The following CERT1 variants were observed in gnomAD, a reference collection of about 807,000 sequenced individuals.
The protein encoded by CERT1 is ceramide transfer protein.
Under a neutral mutation model 87.9 loss-of-function variants are expected in CERT1, and 31 were observed. The ratio of observed to expected loss-of-function variants is 0.35; its 90% confidence interval spans 0.27 to 0.48. The LOEUF (loss-of-function observed/expected upper bound fraction) is 0.48, where lower values mean the gene tolerates loss of function less well. CERT1 is among the 20% of genes least tolerant of loss of function. The probability of loss-of-function intolerance (pLI) is 0.99; values close to 1 mark genes in which losing one functional copy is unlikely to be tolerated. For missense variants in CERT1, 487 were observed against 758.0 expected (o/e 0.64, Z 4.20); for synonymous variants, 289 against 250.9 (o/e 1.15, Z -1.44).
At chr5:75,464,134 T>A (rs1167413438) in intron 2 of CERT1, among the ~76,000 whole-genome samples, 2 of 152,086 alleles carry the variant, frequency 1.3e-5, no homozygotes, top group Non-Finnish European at 2.9e-5. Context: ...TTTCACAGGC[T>A]TGAGAAAACT....
intron 6 of CERT1, 46 bp downstream of exon 6, chr5:75,419,295 C>G: frequency 7.9e-7 from 1 of 1,261,148 alleles, no homozygotes; most frequent in Non-Finnish European, 1.1e-6. Flanking sequence ...TACATAACTT[C>G]TGAAAGTATA....
chr5:75,511,644 T>C, upstream of CERT1: 1 of 1,491,122 alleles, frequency 6.7e-7, no homozygotes, highest in Admixed American at 2.1e-5. Flanking sequence ...TCCCCTCCCC[T>C]GTCCTTTCCC....
intron 2 of CERT1, among the ~76,000 whole-genome samples, chr5:75,469,638 T>C (rs1375030294): frequency 6.6e-6 from 1 of 152,092 alleles, no homozygotes; most frequent in East Asian, 1.9e-4. Flanking sequence ...GAATCAAATG[T>C]ACTATTAGAG....
intron 3 of CERT1, among the ~76,000 whole-genome samples, chr5:75,451,928 T>G (rs1306291287): frequency 6.6e-6 from 1 of 152,188 alleles, no homozygotes; most frequent in African/African-American, 2.4e-5. Flanking sequence ...GATCTCTAAA[T>G]GGGTCTTGAG....
chr5:75,376,568 G>C (rs1761324550), downstream of CERT1: 1 of 152,182 alleles, frequency 6.6e-6, no homozygotes, highest in African/African-American at 2.4e-5. Context: ...CACAGACTCA[G>C]AATCGATAAG....
intron 3 of CERT1, 114 bp downstream of exon 3, chr5:75,458,951 C>G: frequency 3.1e-6 from 2 of 650,852 alleles, no homozygotes. Context: ...CTTTATCATC[C>G]AAATAATGTT....
At chr5:75,508,456 T>C (rs1767761945) in intron 1 of CERT1, among the ~76,000 whole-genome samples, 1 of 152,196 alleles carries the variant, frequency 6.6e-6, no homozygotes, top group South Asian at 2.1e-4. Flanking sequence ...ATATTAGTTC[T>C]TATAAGAGAC....
Position 75,505,982 on chromosome 5 carries a change from T to C in CERT1, c.231A>G (p.Thr77=). The C allele has an allele frequency of 6.2e-7, 1 of 1,612,622 alleles. No homozygotes were observed. The highest frequency in any genetic ancestry group is 8.5e-7 in the Non-Finnish European group (1 of 1,178,990). ...GSICLSKAVI[T]PHDFDECRFD... is the part of the protein sequence containing the mutation. ...TGAATGAAGAAGAAAAGGAACTTAC[T>C]GTGATGACAGCCTTGCTAAGACAGA... Residue 77 remains threonine (T), a splice_region_variant and synonymous_variant, in exon 2 of 17, where the codon ACA becomes ACG. Transcript: ENST00000643780.
chr5:75,466,561 A>C (rs1765463881), intron 2 of CERT1, among the ~76,000 whole-genome samples: 1 of 152,102 alleles, frequency 6.6e-6, no homozygotes, highest in African/African-American at 2.4e-5. Context: ...ATAAAGAGCA[A>C]CCCTCTCCAG....
At chr5:75,374,630 G>A (rs1350107721), downstream of CERT1, 3 of 659,006 alleles carry the variant, frequency 4.6e-6, no homozygotes, top group Non-Finnish European at 2.8e-6. Flanking sequence ...TTTCCGAAGC[G>A]AGTGTCTTTG....
At chr5:75,490,914 G>A (rs2112426729) in intron 2 of CERT1, among the ~76,000 whole-genome samples, 1 of 151,816 alleles carries the variant, frequency 6.6e-6, no homozygotes, top group East Asian at 1.9e-4. Flanking sequence ...TTTTTCCCCT[G>A]GTTTTCACCC....
intron 2 of CERT1, among the ~76,000 whole-genome samples, chr5:75,485,552 C>T (rs1328386009): frequency 3.3e-5 from 5 of 151,352 alleles, no homozygotes; most frequent in African/African-American, 1.2e-4. Context: ...CAAAAAAATA[C>T]AAAAGATCAA....
intron 2 of CERT1, among the ~76,000 whole-genome samples, chr5:75,485,039 A>C (rs570406803): frequency 1.3e-5 from 2 of 152,308 alleles, no homozygotes; most frequent in African/African-American, 4.8e-5. Context: ...CAATGCAATA[A>C]TACTACAATT....
At chr5:75,438,851 C>T (rs969555940) in intron 3 of CERT1, among the ~76,000 whole-genome samples, 2 of 151,890 alleles carry the variant, frequency 1.3e-5, no homozygotes, top group Non-Finnish European at 2.9e-5. Flanking sequence ...ACACCTCCTA[C>T]CCAGATCAAG....
At chr5:75,381,834 T>C in intron 15 of CERT1, 115 bp downstream of exon 15, 2 of 975,620 alleles carry the variant, frequency 2.0e-6, no homozygotes, top group Non-Finnish European at 3.0e-6. Flanking sequence ...ACATAAAATC[T>C]AAGAACCATT....
chr5:75,399,398 C>T lies in CERT1; in HGVS notation c.1111-11G>A. 6.2e-7 allele frequency: 1 copy of T among 1,607,086 alleles called. No homozygotes were observed. The highest frequency in any genetic ancestry group is 8.5e-7 in the Non-Finnish European group (1 of 1,173,952). On this transcript the variant is annotated splice_polypyrimidine_tract_variant and intron_variant, in intron 10 of 16. Coordinates refer to ENST00000643780, the MANE Select transcript of CERT1 (RefSeq NM_001379029.1). ...AGAGCGACTATAGGGCTACCAGAGA[C>T]AGACAAAGAAAAAACCAAGTAATCA...
At chr5:75,404,455 C>T (rs970674331) in intron 8 of CERT1, among the ~76,000 whole-genome samples, 2 of 152,138 alleles carry the variant, frequency 1.3e-5, no homozygotes, top group African/African-American at 2.4e-5. Flanking sequence ...GGCCTTCCTC[C>T]TGCAGGATTC....
At chr5:75,507,374 G>C (rs550135232) in intron 1 of CERT1, among the ~76,000 whole-genome samples, 3 of 152,214 alleles carry the variant, frequency 2.0e-5, no homozygotes, top group African/African-American at 7.2e-5. Flanking sequence ...GTCTCCCAAA[G>C]TGCTGGGACT....
In CERT1 at chr5:75,378,938, G is replaced by C; in HGVS notation, c.*408C>G. The C allele has an allele frequency of 6.5e-6, 1 of 154,910 alleles. No homozygotes were observed. The highest frequency in any genetic ancestry group is 1.9e-4 in the East Asian group (1 of 5,296). The allele number at this position is 154,910 out of a possible 1,614,324, so 9.6% of individuals were successfully genotyped here. A position where few individuals can be genotyped will look rare whatever the true frequency, so the allele number is the denominator to read the frequency against. Reference sequence around the variant, plus strand: ...TCATGTCTGTAATCCCAGCACTTTGGGAGGCTGAGGCAGGAGGATTGTCTG... The same window carrying C: ...TCATGTCTGTAATCCCAGCACTTTGCGAGGCTGAGGCAGGAGGATTGTCTG... On this transcript the variant is annotated 3_prime_UTR_variant, in exon 17 of 17. Transcript: ENST00000643780.
Sources: allele counts gnomAD v4.1 joint callset (sites outside exome capture counted in the v4.1 genomes callset), GRCh38; gene constraint gnomAD v4.1.1; transcripts MANE v1.5; gene names NCBI Gene and HGNC (gene_info 2026-07-23, HGNC 2026-07-21).